RUNX1T1: variants seen among roughly 807,000 people sequenced by gnomAD.
RUNX1T1 encodes RUNX1 partner transcriptional co-repressor 1.
RUNX1T1 carries 4 observed loss-of-function variants against 62.8 expected under a neutral mutation model. The ratio of observed to expected loss-of-function variants is 0.06; its 90% confidence interval spans 0.03 to 0.15. The LOEUF (loss-of-function observed/expected upper bound fraction) is 0.15, where lower values mean the gene tolerates loss of function less well. Among genes scored for constraint, RUNX1T1 ranks in the 10% least tolerant of loss-of-function variants. The pLI, the probability that RUNX1T1 is intolerant of heterozygous loss-of-function variation, is 1.00. For synonymous variants in RUNX1T1, 291 were observed against 286.0 expected (o/e 1.02, Z -0.18); for missense variants, 508 against 754.3 (o/e 0.67, Z 3.82).
chr8:92,053,919 T>C (rs1428714589), intron 1 of RUNX1T1, among the ~76,000 whole-genome samples: 1 of 152,110 alleles, frequency 6.6e-6, no homozygotes, highest in Non-Finnish European at 1.5e-5. Context: ...ATGTTTAAAA[T>C]GTCTATTTTA....
At chr8:91,985,790 C>A (rs1816431201) in intron 8 of RUNX1T1, among the ~76,000 whole-genome samples, 1 of 152,078 alleles carries the variant, frequency 6.6e-6, no homozygotes, top group South Asian at 2.1e-4. Context: ...TGCCTAAGCC[C>A]CAGGCCCACT....
intron 2 of RUNX1T1, among the ~76,000 whole-genome samples, chr8:92,072,211 A>G (rs547197977): frequency 6.6e-6 from 1 of 152,316 alleles, no homozygotes; most frequent in South Asian, 2.1e-4. Flanking sequence ...AATGATTTTG[A>G]TAGTCCAGTT....
At chr8:92,022,781 T>C (rs769567088) in intron 1 of RUNX1T1, among the ~76,000 whole-genome samples, 11 of 152,250 alleles carry the variant, frequency 7.2e-5, no homozygotes, top group Non-Finnish European at 1.0e-4. Flanking sequence ...AGATGTTTTA[T>C]GAATAGCATT....
upstream of RUNX1T1, among the ~76,000 whole-genome samples, chr8:92,100,549 T>C (rs1837988151): frequency 6.6e-6 from 1 of 152,164 alleles, no homozygotes; most frequent in Non-Finnish European, 1.5e-5. Context: ...ACCAACAAAA[T>C]ATAAAATGCT....
intron 2 of RUNX1T1, among the ~76,000 whole-genome samples, chr8:92,069,433 TTCA>T (rs1833355417): frequency 6.6e-6 from 1 of 152,274 alleles, no homozygotes; most frequent in Admixed American, 6.5e-5. Context: ...CAGAATTTTT[TTCA>T]TCATATTTTC....
intron 6 of RUNX1T1, among the ~76,000 whole-genome samples, chr8:91,987,580 CA>C (rs955022500): frequency 1.9e-4 from 29 of 151,132 alleles, no homozygotes; most frequent in African/African-American, 2.4e-4. Flanking sequence ...GGATATTCTT[CA>C]AAAAAAAATT....
chr8:92,099,321 T>G (rs1008617276), intron 1 of RUNX1T1, among the ~76,000 whole-genome samples: 1 of 152,244 alleles, frequency 6.6e-6, no homozygotes, highest in African/African-American at 2.4e-5. Context: ...TTCTCAAAGT[T>G]GAATGAGTTC....
chr8:92,037,949 C>T lies in RUNX1T1; in HGVS notation c.8-20586G>A, dbSNP rs189875903. On this transcript the variant is annotated intron_variant, in intron 1 of 10. Transcript: ENST00000396218. ...CCTTTATCTTTCAACATCAATGTCACCTTCTCATGGAATCAATCCTCTCCT... is the reference window on the plus strand; with the variant it reads ...CCTTTATCTTTCAACATCAATGTCATCTTCTCATGGAATCAATCCTCTCCT... Among the ~76,000 whole-genome samples the T allele has an allele frequency of 9.8e-5, 15 of 152,310 alleles. No homozygotes were observed. In the East Asian group the frequency reaches 2.9e-3, roughly 29 times the overall value.
intron 8 of RUNX1T1, among the ~76,000 whole-genome samples, chr8:91,982,354 A>G (rs1431568549): frequency 1.3e-5 from 2 of 152,182 alleles, no homozygotes; most frequent in Non-Finnish European, 2.9e-5. Flanking sequence ...AAAAGCCAGT[A>G]AAAAGGAAAG....
At chr8:92,046,272 C>T (rs1829385614) in intron 1 of RUNX1T1, among the ~76,000 whole-genome samples, 1 of 152,156 alleles carries the variant, frequency 6.6e-6, no homozygotes, top group Non-Finnish European at 1.5e-5. Flanking sequence ...GTGCTGCTTA[C>T]TAAGAGAAAT....
intron 1 of RUNX1T1, among the ~76,000 whole-genome samples, chr8:92,041,415 T>C (rs1457195571): frequency 6.6e-6 from 1 of 152,176 alleles, no homozygotes; most frequent in African/African-American, 2.4e-5. Context: ...TATTTGATGG[T>C]TGATTGGCTG....
downstream of RUNX1T1, chr8:91,956,984 A>T (rs886130485): frequency 1.1e-4 from 22 of 203,360 alleles, no homozygotes; most frequent in African/African-American, 2.3e-4. Context: ...AAAAAAAAAA[A>T]TTTAAGAAAA....
chr8:92,026,892 C>G (rs1186537656), intron 1 of RUNX1T1, among the ~76,000 whole-genome samples: 2 of 151,084 alleles, frequency 1.3e-5, no homozygotes, highest in South Asian at 2.1e-4. Context: ...CCGAGACGGG[C>G]GGATCACGAG....
At chr8:92,095,411 T>G in intron 1 of RUNX1T1, 1 of 1,535,634 alleles carries the variant, frequency 6.5e-7, no homozygotes, top group South Asian at 1.2e-5. Context: ...CGGCTTTGTA[T>G]TCATTAAACA....
intron 10 of RUNX1T1, among the ~76,000 whole-genome samples, chr8:91,969,511 A>T (rs1366226711): frequency 1.4e-5 from 2 of 146,664 alleles, no homozygotes; most frequent in African/African-American, 5.0e-5. Flanking sequence ...AAGTCCTTAT[A>T]TCTTAGCCAC....
At chr8:91,979,157 AT>A (rs1814634273) in intron 8 of RUNX1T1, among the ~76,000 whole-genome samples, 1 of 152,166 alleles carries the variant, frequency 6.6e-6, no homozygotes, top group Non-Finnish European at 1.5e-5. Context: ...TGATACCTTG[AT>A]AAACACTACT....
chr8:91,963,541 C>T (rs1457849477), intron 10 of RUNX1T1, among the ~76,000 whole-genome samples: 1 of 152,136 alleles, frequency 6.6e-6, no homozygotes, highest in Non-Finnish European at 1.5e-5. Context: ...TTGGCTAATC[C>T]ATACCTGCAA....
intron 5 of RUNX1T1, among the ~76,000 whole-genome samples, chr8:91,992,978 C>A (rs1253458518): frequency 6.6e-6 from 1 of 152,086 alleles, no homozygotes. Context: ...AGAAACAAAC[C>A]ATATTCAAAT....
intron 8 of RUNX1T1, among the ~76,000 whole-genome samples, chr8:91,976,911 C>T (rs1323008500): frequency 2.0e-5 from 3 of 151,956 alleles, no homozygotes; most frequent in Non-Finnish European, 4.4e-5. Context: ...ATTAATAAGC[C>T]CATGATAAAT....
Sources: gnomAD v4.1 joint callset for allele counts (sites outside exome capture counted in the v4.1 genomes callset) on GRCh38, gnomAD v4.1.1 for gene constraint, MANE v1.5 for transcripts, NCBI Gene and HGNC (gene_info 2026-07-23, HGNC 2026-07-21) for gene names.